Variants in CHDH observed in about 807,000 individuals in gnomAD.
CHDH encodes the protein choline dehydrogenase, mitochondrial.
CHDH carries 43 observed loss-of-function variants against 56.9 expected under a neutral mutation model. That is an observed-to-expected ratio of 0.76 (90% CI 0.59 to 0.97). CHDH has a LOEUF of 0.97. Ranked by LOEUF, CHDH falls within the 50% of genes least tolerant of loss-of-function variation. The probability of loss-of-function intolerance (pLI) is 0.00; values close to 1 mark genes in which losing one functional copy is unlikely to be tolerated. For synonymous variants in CHDH, 364 were observed against 348.5 expected (o/e 1.04, Z -0.50); for missense variants, 816 against 821.1 (o/e 0.99, Z 0.08).
chr3:53,845,406 C>A (rs1471239785), intron 1 of CHDH, among the ~76,000 whole-genome samples: 1 of 152,194 alleles, frequency 6.6e-6, no homozygotes, highest in Non-Finnish European at 1.5e-5. Flanking sequence ...TCTAGGCCTC[C>A]GTCTTCTCAT....
chr3:53,825,634 AG>A (rs1317853947), intron 2 of CHDH, among the ~76,000 whole-genome samples: 2 of 152,178 alleles, frequency 1.3e-5, no homozygotes, highest in African/African-American at 4.8e-5. Context: ...GGCGGAAAGA[AG>A]AGACAGAGAA....
Position 53,819,709 on chromosome 3 carries a change from G to T in CHDH, c.1121-35C>A, listed in dbSNP as rs569334618. The T allele has an allele frequency of 5.9e-6, 9 of 1,537,640 alleles. No individual in the cohort carries two copies. In the East Asian group the frequency reaches 2.1e-4, roughly 36 times the overall value. On this transcript the variant is annotated intron_variant, in intron 6 of 8. Transcript: ENST00000315251. This position sits in a 1 kb window ranked among gnomAD's most constrained non-coding sequence, Gnocchi z 5.4. ...AGAAGAGGATGAGGCAGAAGAGCCA[G>T]TCAGGCCGTGGCAGGTGGGCCGGCT...
At position 53,815,733 on chromosome 3, in the gene CHDH, C is replaced by G. The variant is rs531195762; in HGVS notation, c.*2044G>C. 1 of 152,266 alleles carries G rather than the reference C, an allele frequency of 6.6e-6. No homozygotes were observed. The highest frequency in any genetic ancestry group is 2.4e-5 in the African/African-American group (1 of 41,452). The allele number at this position is 152,266 out of a possible 1,614,324, so 9.4% of individuals were successfully genotyped here. On this transcript the variant is annotated 3_prime_UTR_variant, in exon 9 of 9. Coordinates refer to ENST00000315251, the MANE Select transcript of CHDH (RefSeq NM_018397.5). ...CACCCTGCCATATCCATACCTGTTC[C>G]AGAGAAGAAGGGTCAGCACAGTCAT...
In CHDH at chr3:53,813,525, C is replaced by T. The variant is rs2095609842; in HGVS notation, c.*4252G>A. ...ACACCACTGTCAACATTATCCTGGA[C>T]TCTGTGTCTCTCTCTGTTGGGTCTT... On this transcript the variant is annotated 3_prime_UTR_variant, in exon 9 of 9. Transcript: ENST00000315251. 1 of 152,226 alleles carries T rather than the reference C, an allele frequency of 6.6e-6. No homozygotes were observed. The highest frequency in any genetic ancestry group is 1.5e-5 in the Non-Finnish European group (1 of 68,048). 9.4% of individuals were successfully genotyped at this position (152,226 alleles called of 1,614,324 possible). A position where few individuals can be genotyped will look rare whatever the true frequency, so the allele number is the denominator to read the frequency against.
chr3:53,821,564 C>G (rs917644593), intron 5 of CHDH, 83 bp downstream of exon 5: 8 of 1,236,542 alleles, frequency 6.5e-6, no homozygotes, highest in Admixed American at 5.5e-5. Flanking sequence ...ACCACCTCCC[C>G]ACTTCATGCT....
intron 2 of CHDH, among the ~76,000 whole-genome samples, chr3:53,834,892 T>C (rs1226139569): frequency 2.0e-5 from 3 of 152,194 alleles, no homozygotes; most frequent in African/African-American, 7.2e-5. Flanking sequence ...AAGACAGAAC[T>C]CTGGAGAGAG....
At chr3:53,826,008 A>G (rs1348916623) in intron 2 of CHDH, among the ~76,000 whole-genome samples, 5 of 152,110 alleles carry the variant, frequency 3.3e-5, no homozygotes, top group Non-Finnish European at 1.5e-5. Context: ...TTAAAAATAA[A>G]TTAGATGATA....
At chr3:53,833,288 T>G (rs1698395950) in intron 2 of CHDH, among the ~76,000 whole-genome samples, 1 of 152,204 alleles carries the variant, frequency 6.6e-6, no homozygotes, top group African/African-American at 2.4e-5. Context: ...CCCAATCATT[T>G]GAAAACCCCA....
At chr3:53,831,549 T>C (rs1295057493) in intron 2 of CHDH, among the ~76,000 whole-genome samples, 1 of 152,258 alleles carries the variant, frequency 6.6e-6, no homozygotes, top group East Asian at 1.9e-4. Context: ...GTAGGAAAGT[T>C]ATATTTCATC....
chr3:53,819,521 C>A lies in CHDH; in HGVS notation c.1263+11G>T. On this transcript the variant is annotated intron_variant, in intron 7 of 8. Coordinates refer to ENST00000315251, the MANE Select transcript of CHDH (RefSeq NM_018397.5). This position sits in a 1 kb window ranked among gnomAD's most constrained non-coding sequence, Gnocchi z 5.4. ...ACATCCTGGGAAGCCGAGGCTCTTC[C>A]ACCTGCTCACCTGGTAAGCCTCCTG... 1 of 1,598,102 alleles carries A rather than the reference C, an allele frequency of 6.3e-7. No individual in the cohort carries two copies. Among genetic ancestry groups the A allele is most frequent in the South Asian group, 1.1e-5 (1 of 88,494 alleles).
chr3:53,817,512 C>T lies in CHDH; in HGVS notation c.*265G>A. 4.1e-6 allele frequency: 2 copies of T among 491,136 alleles called. No homozygotes were observed. The highest frequency in any genetic ancestry group is 3.3e-5 in the East Asian group (1 of 30,026). 30.4% of individuals were successfully genotyped at this position (491,136 alleles called of 1,614,324 possible). A position where few individuals can be genotyped will look rare whatever the true frequency, so the allele number is the denominator to read the frequency against. ...TTAACCATCCTCCCCTTCTGTCCCT[C>T]CAGGAGGCAGGGAGGAACATCTCAG... On this transcript the variant is annotated 3_prime_UTR_variant, in exon 9 of 9. Coordinates refer to ENST00000315251, the MANE Select transcript of CHDH (RefSeq NM_018397.5).
Position 53,817,149 on chromosome 3 carries a change from C to A in CHDH, c.*628G>T, listed in dbSNP as rs964457752. ...CCTGGTTTAATAAGAACCAGAGCCA[C>A]AACCCTCTCAGAGTGACCCAGTGGA... On this transcript the variant is annotated 3_prime_UTR_variant, in exon 9 of 9. Transcript: ENST00000315251. 6 of 152,666 alleles carry A rather than the reference C, an allele frequency of 3.9e-5. No individual in the cohort carries two copies. The highest frequency in any genetic ancestry group is 1.4e-4 in the African/African-American group (6 of 41,438). The allele number at this position is 152,666 out of a possible 1,614,324, so 9.5% of individuals were successfully genotyped here.
chr3:53,827,671 G>A (rs1052022597), intron 2 of CHDH, among the ~76,000 whole-genome samples: 9 of 151,888 alleles, frequency 5.9e-5, no homozygotes, highest in African/African-American at 2.2e-4. Flanking sequence ...GAAATACTTA[G>A]GTATAAATCT....
intron 3 of CHDH, 29 bp from the exon 4 acceptor site, chr3:53,822,671 T>C (rs763805336): frequency 8.8e-6 from 14 of 1,595,476 alleles, no homozygotes; most frequent in Admixed American, 3.3e-5. Context: ...TGGTCAGGCA[T>C]GGCTCCGCCC....
Position 53,819,668 on chromosome 3 carries a change from C to G in CHDH, c.1127G>C (p.Gly376Ala). Residue 376 changes from glycine (G) to alanine (A), a missense_variant, in exon 7 of 9, where the codon GGA becomes GCA. By Grantham distance (60) the Gly-to-Ala change is moderately conservative. Coordinates refer to ENST00000315251, the MANE Select transcript of CHDH (RefSeq NM_018397.5). The surrounding 1 kb of genome is among the most constrained non-coding windows in gnomAD (Gnocchi z 5.4). ...ACCTGTTTCCAGATGGGCAGTGGCT[C>G]CCTCCCCTGAGAAGCAGAAGAGGAT... ...LEWLWKFTGEGATAHLETGGF... is the reference protein window; with the variant it reads ...LEWLWKFTGEAATAHLETGGF... 1.2e-6 allele frequency: 2 copies of G among 1,600,976 alleles called. No homozygotes were observed. The highest frequency in any genetic ancestry group is 3.3e-4 in the Middle Eastern group (2 of 5,988).
At position 53,846,366 on chromosome 3, in the gene CHDH, C is replaced by G. The variant is rs946093758; in HGVS notation, c.-414G>C. 41 of 469,560 alleles carry G rather than the reference C, an allele frequency of 8.7e-5. No individual in the cohort carries two copies. Among genetic ancestry groups the G allele is most frequent in the South Asian group, 2.0e-4 (5 of 25,294 alleles). 29.1% of individuals were successfully genotyped at this position (469,560 alleles called of 1,614,324 possible). ...GGGGTAGGCGCGCGCCGCGGCGGCC[C>G]GTGCTCCGCCAGCGCTCGGACACGG... On this transcript the variant is annotated 5_prime_UTR_variant, in exon 1 of 9. Transcript: ENST00000315251.
At position 53,820,366 on chromosome 3, in the gene CHDH, A is replaced by T. The variant is rs1005294310; in HGVS notation, c.1120+108T>A. On this transcript the variant is annotated intron_variant, in intron 6 of 8. Coordinates refer to ENST00000315251, the MANE Select transcript of CHDH (RefSeq NM_018397.5). ...GAGGCTCAGGGCTAAGGTAAATGGC[A>T]TAGTTCCGCATCAAACCCAGTGGCC... 8 of 1,328,674 alleles carry T rather than the reference A, an allele frequency of 6.0e-6. No homozygotes were observed. In the Admixed American group the frequency reaches 1.7e-4, roughly 28 times the overall value. The allele number at this position is 1,328,674 out of a possible 1,614,324, so 82.3% of individuals were successfully genotyped here. A position where few individuals can be genotyped will look rare whatever the true frequency, so the allele number is the denominator to read the frequency against.
In CHDH at chr3:53,820,671, C is replaced by T. The variant is rs1356612953; in HGVS notation, c.986-63G>A. The T allele has an allele frequency of 1.7e-5, 26 of 1,558,324 alleles. 1 individual carries two copies. The South Asian group carries it at 3.1e-4, about 18-fold the overall frequency. ...AGGGGGCTCAGCTGCTTCTCAATAT[C>T]CCCCCGGTTTTGAAAAATTCTTTCC... On this transcript the variant is annotated intron_variant, in intron 5 of 8. Transcript: ENST00000315251.
chr3:53,844,624 C>T (rs1698791819), intron 1 of CHDH: 1 of 152,700 alleles, frequency 6.5e-6, no homozygotes, highest in South Asian at 2.1e-4. Context: ...CCGAACAACA[C>T]CAAGCTCACA....
Sources: gnomAD v4.1 joint callset for allele counts (sites outside exome capture counted in the v4.1 genomes callset) on GRCh38, gnomAD v4.1.1 for gene constraint, Gnocchi (gnomAD v3.1) non-coding constraint, MANE v1.5 for transcripts, NCBI Gene and HGNC (gene_info 2026-07-23, HGNC 2026-07-21) for gene names.